The following PPFIA2 variants were observed in gnomAD, a reference collection of about 807,000 sequenced individuals.
The protein encoded by PPFIA2 is liprin-alpha-2.
Under a neutral mutation model 175.5 loss-of-function variants are expected in PPFIA2, and 46 were observed. That is an observed-to-expected ratio of 0.26 (90% CI 0.21 to 0.34). The LOEUF (loss-of-function observed/expected upper bound fraction) is 0.34. Among genes scored for constraint, PPFIA2 ranks in the 10% least tolerant of loss-of-function variants. PPFIA2 has a pLI of 1.00. For synonymous variants in PPFIA2, 568 were observed against 511.4 expected, an observed-to-expected ratio of 1.11 and a Z score of -1.49; for missense variants, 1,179 against 1,506.1, an observed-to-expected ratio of 0.78 and a Z score of 3.60.
At chr12:81,410,024 A>G (rs1041051198) in intron 7 of PPFIA2, among the ~76,000 whole-genome samples, 1 of 152,108 alleles carries the variant, frequency 6.6e-6, no homozygotes, top group African/African-American at 2.4e-5. Context: ...ATTAGTACCA[A>G]TATAAAAGGC....
chr12:81,678,948 A>G (rs907625909), intron 3 of PPFIA2, among the ~76,000 whole-genome samples: 4 of 151,814 alleles, frequency 2.6e-5, no homozygotes, highest in Admixed American at 6.6e-5. Flanking sequence ...AAAAAAATCA[A>G]CTCATCTAAA....
At chr12:81,563,904 T>C (rs1470367112) in intron 4 of PPFIA2, among the ~76,000 whole-genome samples, 1 of 152,214 alleles carries the variant, frequency 6.6e-6, no homozygotes, top group East Asian at 1.9e-4. Flanking sequence ...TGTTATGCTA[T>C]AATAGAGATA....
At chr12:81,649,319 T>C (rs2066654589) in intron 4 of PPFIA2, among the ~76,000 whole-genome samples, 4 of 152,146 alleles carry the variant, frequency 2.6e-5, no homozygotes, top group Admixed American at 2.0e-4. Flanking sequence ...CATGACCACA[T>C]GTTCAATGTC....
At chr12:81,498,223 C>T (rs1284442382) in intron 4 of PPFIA2, among the ~76,000 whole-genome samples, 1 of 152,176 alleles carries the variant, frequency 6.6e-6, no homozygotes, top group Non-Finnish European at 1.5e-5. Flanking sequence ...TTGCATCACA[C>T]ATAATCATGG....
chr12:81,425,867 A>G (rs530865592), intron 7 of PPFIA2, among the ~76,000 whole-genome samples: 3 of 152,310 alleles, frequency 2.0e-5, no homozygotes, highest in African/African-American at 4.8e-5. Context: ...AATTCATAAT[A>G]TGAGAGATCT....
chr12:81,300,024 T>C (rs1030040761), intron 22 of PPFIA2, among the ~76,000 whole-genome samples: 3 of 152,198 alleles, frequency 2.0e-5, no homozygotes. Context: ...TTATCTATAA[T>C]CACTACTGTT....
intron 7 of PPFIA2, among the ~76,000 whole-genome samples, chr12:81,437,938 T>C (rs1392246114): frequency 6.6e-6 from 1 of 151,752 alleles, no homozygotes; most frequent in Non-Finnish European, 1.5e-5. Flanking sequence ...ATTTCTTTTT[T>C]TTTTTTTTCC....
rs535490123 is a variant in PPFIA2, at chr12:81,548,901, A to T, written c.304-91035T>A. 3.3e-5 allele frequency among the ~76,000 whole-genome samples: 5 copies of T among 152,306 alleles called. No homozygotes were observed. The South Asian group carries it at 1.0e-3, about 32-fold the overall frequency. Reference sequence around the variant, plus strand: ...TGGAATAGACATCATGATTTTAAACAAAGAAACTGCAGGTACTTACTATGG... The same window carrying T: ...TGGAATAGACATCATGATTTTAAACTAAGAAACTGCAGGTACTTACTATGG... On this transcript the variant is annotated intron_variant, in intron 4 of 32. Transcript: ENST00000549396.
intron 4 of PPFIA2, among the ~76,000 whole-genome samples, chr12:81,594,063 C>T (rs140448971): frequency 3.7e-4 from 57 of 152,184 alleles, no homozygotes; most frequent in East Asian, 2.1e-3. Flanking sequence ...TGAACCCTAT[C>T]GTGAACTGTG....
chr12:81,752,425 AAATAT>A (rs1415907546), intron 3 of PPFIA2, among the ~76,000 whole-genome samples: 1 of 152,238 alleles, frequency 6.6e-6, no homozygotes, highest in African/African-American at 2.4e-5. Context: ...TTTCCTTAAA[AAATAT>A]AATATTTGGT....
chr12:81,685,637 A>G (rs2074330600), intron 3 of PPFIA2, among the ~76,000 whole-genome samples: 1 of 152,050 alleles, frequency 6.6e-6, no homozygotes, highest in African/African-American at 2.4e-5. Context: ...TCTGACTTTA[A>G]GGATTTTTCA....
intron 7 of PPFIA2, among the ~76,000 whole-genome samples, chr12:81,426,013 T>C (rs1459158023): frequency 2.0e-5 from 3 of 152,160 alleles, no homozygotes; most frequent in Non-Finnish European, 2.9e-5. Context: ...TCATACCCAA[T>C]AAAAGTGTTA....
At chr12:81,374,184 C>T (rs2035841568) in intron 11 of PPFIA2, among the ~76,000 whole-genome samples, 1 of 152,060 alleles carries the variant, frequency 6.6e-6, no homozygotes, top group South Asian at 2.1e-4. Flanking sequence ...TTTTAGACCT[C>T]AGACTTTTAT....
intron 29 of PPFIA2, 93 bp downstream of exon 29, chr12:81,267,819 C>T: frequency 9.8e-7 from 1 of 1,017,264 alleles, no homozygotes; most frequent in Non-Finnish European, 1.3e-6. Context: ...CTTTCATTAA[C>T]AATCATGAAT....
chr12:81,643,497 C>T (rs1476492383), intron 4 of PPFIA2, among the ~76,000 whole-genome samples: 1 of 151,942 alleles, frequency 6.6e-6, no homozygotes, highest in Non-Finnish European at 1.5e-5. Flanking sequence ...AGAATGTTTA[C>T]TTGAATTACA....
intron 3 of PPFIA2, among the ~76,000 whole-genome samples, chr12:81,739,646 TAAG>T (rs891832989): frequency 3.3e-5 from 5 of 152,012 alleles, no homozygotes; most frequent in Non-Finnish European, 7.4e-5. Flanking sequence ...TAAACTCTTA[TAAG>T]AATTAATAAA....
At chr12:81,686,320 T>G (rs2074415890) in intron 3 of PPFIA2, among the ~76,000 whole-genome samples, 1 of 152,052 alleles carries the variant, frequency 6.6e-6, no homozygotes, top group Admixed American at 6.6e-5. Context: ...TGGCTATATA[T>G]TTCTAATTTC....
At chr12:81,545,770 A>ATTCT (rs2066895084) in intron 4 of PPFIA2, 1 of 152,180 alleles carries the variant, frequency 6.6e-6, no homozygotes, top group African/African-American at 2.4e-5. Context: ...ACAAGGTAGA[A>ATTCT]GCACCACAGT....
In PPFIA2 at chr12:81,617,697, C is replaced by G. The variant is rs538027543; in HGVS notation, c.303+59094G>C. ...TTATTTCACACTATCTCCTTACACA[C>G]TATCCTCAGGCAACATGGGTGTCGT... On this transcript the variant is annotated intron_variant, in intron 4 of 32. Transcript: ENST00000549396. Among the ~76,000 whole-genome samples, 8 of 152,330 alleles carry G rather than the reference C, an allele frequency of 5.3e-5. No homozygotes were observed. The South Asian group carries it at 1.5e-3, about 28-fold the overall frequency.
Sources: gnomAD v4.1 joint callset for allele counts (sites outside exome capture counted in the v4.1 genomes callset) on GRCh38, gnomAD v4.1.1 for gene constraint, MANE v1.5 for transcripts, NCBI Gene and HGNC (gene_info 2026-07-23, HGNC 2026-07-21) for gene names.